The following ZNF609 variants were observed in gnomAD, a reference collection of about 807,000 sequenced individuals.
ZNF609 encodes zinc finger protein 609.
A neutral mutation model predicts 109.5 loss-of-function variants in ZNF609; 11 were observed. The ratio of observed to expected loss-of-function variants is 0.10; its 90% confidence interval spans 0.06 to 0.17. The LOEUF (loss-of-function observed/expected upper bound fraction) is 0.17, where lower values mean the gene tolerates loss of function less well. Ranked by LOEUF, ZNF609 falls within the 10% of genes least tolerant of loss-of-function variation. The pLI is 1.00. For missense variants in ZNF609, 1,559 were observed against 1,772.4 expected, an observed-to-expected ratio of 0.88 and a Z score of 2.16; for synonymous variants, 646 against 662.0, an observed-to-expected ratio of 0.98 and a Z score of 0.37.
intron 3 of ZNF609, among the ~76,000 whole-genome samples, chr15:64,633,477 A>C (rs953387986): frequency 6.6e-6 from 1 of 151,948 alleles, no homozygotes; most frequent in Non-Finnish European, 1.5e-5. Context: ...ATGAGATCTC[A>C]CTGTGTTGCT....
rs376534888 is a variant in ZNF609, at chr15:64,678,914, C to A, written c.3769+432C>A. Reference sequence around the variant, plus strand: ...ACAGCTTAATCATAGTGGAGAGACACAAAGAACAAATAAAATGCAAACCAT... The same window carrying A: ...ACAGCTTAATCATAGTGGAGAGACAAAAAGAACAAATAAAATGCAAACCAT... On this transcript the variant is annotated intron_variant, in intron 6 of 9. Coordinates refer to ENST00000326648, the MANE Select transcript of ZNF609 (RefSeq NM_015042.2). Among the ~76,000 whole-genome samples the A allele has an allele frequency of 5.4e-4, 82 of 152,260 alleles. 1 individual carries two copies. The South Asian group carries it at 0.016, about 29-fold the overall frequency.
In ZNF609 at chr15:64,489,207, A is replaced by G. The variant is rs565189652; in HGVS notation, c.-127-10086A>G. On this transcript the variant is annotated intron_variant, in intron 1 of 9. Coordinates refer to ENST00000326648, the MANE Select transcript of ZNF609 (RefSeq NM_015042.2). ...TTTGTTTTTTTGTTTTTCTTTTGAG[A>G]TGGAGTCTCACTCTCTCTCCCAGGA... Among the ~76,000 whole-genome samples the G allele has an allele frequency of 2.8e-3, 423 of 150,538 alleles. 1 individual carries two copies. Among genetic ancestry groups the G allele is most frequent in the African/African-American group, 9.9e-3 (404 of 40,920 alleles).
chr15:64,520,354 C>G (rs1163085632), intron 2 of ZNF609, among the ~76,000 whole-genome samples: 2 of 152,070 alleles, frequency 1.3e-5, no homozygotes, highest in Non-Finnish European at 2.9e-5. Flanking sequence ...CCAAATATCC[C>G]CTGGAGGGCA....
At chr15:64,585,868 CAG>C (rs1284476742) in intron 2 of ZNF609, among the ~76,000 whole-genome samples, 2 of 152,116 alleles carry the variant, frequency 1.3e-5, no homozygotes, top group Non-Finnish European at 2.9e-5. Context: ...TTTTTTGAGA[CAG>C]AGTCTTCCTC....
intron 3 of ZNF609, among the ~76,000 whole-genome samples, chr15:64,623,488 C>T (rs1895908925): frequency 6.6e-6 from 1 of 152,180 alleles, no homozygotes; most frequent in South Asian, 2.1e-4. Context: ...CAGCTCTTGC[C>T]TTTTTTAACA....
At chr15:64,671,238 T>TAAAAAAAAATAA (rs2141012146) in intron 4 of ZNF609, 1 of 147,580 alleles carries the variant, frequency 6.8e-6, no homozygotes, top group East Asian at 2.0e-4. Flanking sequence ...AAAAATTAAT[T>TAAAAAAAAATAA]AAAAAAAAAT....
chr15:64,680,590 G>A, intron 7 of ZNF609, 56 bp from the exon 8 acceptor site: 3 of 1,233,954 alleles, frequency 2.4e-6, no homozygotes, highest in South Asian at 1.4e-5. Context: ...TGTGTGTGTG[G>A]TTGTATGCAT....
Position 64,577,034 on chromosome 15 carries a change from GTA to G in ZNF609, c.748-45786_748-45785del, listed in dbSNP as rs1414484542. Among the ~76,000 whole-genome samples, 84 of 96,480 alleles carry G rather than the reference GTA, an allele frequency of 8.7e-4. 1 individual carries two copies. The highest frequency in any genetic ancestry group is 2.2e-3 in the African/African-American group (60 of 27,680). 63.3% of individuals were successfully genotyped at this position (96,480 alleles called of 152,430 possible). A position where few individuals can be genotyped will look rare whatever the true frequency, so the allele number is the denominator to read the frequency against. On this transcript the variant is annotated intron_variant, in intron 2 of 9. Transcript: ENST00000326648. ...TATGTATACACATAAATATATATAT[GTA>G]TATATACACATAAATATATACATAT...
intron 1 of ZNF609, among the ~76,000 whole-genome samples, chr15:64,482,525 G>T (rs1338476099): frequency 6.6e-6 from 1 of 152,074 alleles, no homozygotes; most frequent in Non-Finnish European, 1.5e-5. Context: ...TAAGTGGCAT[G>T]GTTACTATAC....
rs953377887 is a variant in ZNF609, at chr15:64,590,460, T to C, written c.748-32367T>C. On this transcript the variant is annotated intron_variant, in intron 2 of 9. Coordinates refer to ENST00000326648, the MANE Select transcript of ZNF609 (RefSeq NM_015042.2). Reference sequence around the variant, plus strand: ...CCTCAGCTTCCTGAGTAGCTGGGATTAAAGGTGTGTGCCACCACACCCAGC... The same window carrying C: ...CCTCAGCTTCCTGAGTAGCTGGGATCAAAGGTGTGTGCCACCACACCCAGC... Among the ~76,000 whole-genome samples, 3 of 152,042 alleles carry C rather than the reference T, an allele frequency of 2.0e-5. No individual in the cohort carries two copies. The East Asian group carries it at 5.8e-4, about 29-fold the overall frequency.
At chr15:64,624,599 C>A (rs893389109) in intron 3 of ZNF609, among the ~76,000 whole-genome samples, 7 of 152,018 alleles carry the variant, frequency 4.6e-5, no homozygotes, top group Admixed American at 6.6e-5. Flanking sequence ...TGCTTTCACT[C>A]TCCTGAGGAC....
At chr15:64,588,194 C>T (rs1396464017) in intron 2 of ZNF609, among the ~76,000 whole-genome samples, 8 of 148,558 alleles carry the variant, frequency 5.4e-5, no homozygotes, top group East Asian at 4.1e-4. Context: ...TTTGGGAGGC[C>T]GAGGCGGGCG....
At chr15:64,571,809 A>G (rs572410985) in intron 2 of ZNF609, among the ~76,000 whole-genome samples, 1 of 152,300 alleles carries the variant, frequency 6.6e-6, no homozygotes, top group South Asian at 2.1e-4. Flanking sequence ...AGGTGGGGTT[A>G]CAGGTGCCCA....
intron 1 of ZNF609, among the ~76,000 whole-genome samples, chr15:64,468,268 C>G (rs1305876451): frequency 6.9e-6 from 1 of 144,558 alleles, no homozygotes; most frequent in Non-Finnish European, 1.5e-5. Context: ...CCTTTCTTTT[C>G]TTTTCTTTTC....
At chr15:64,556,408 C>T (rs568141471) in intron 2 of ZNF609, among the ~76,000 whole-genome samples, 31 of 152,240 alleles carry the variant, frequency 2.0e-4, no homozygotes, top group Non-Finnish European at 4.1e-4. Flanking sequence ...GCTAGGATTA[C>T]AGGCATGAAC....
At chr15:64,580,224 G>A (rs1895075737) in intron 2 of ZNF609, among the ~76,000 whole-genome samples, 1 of 152,170 alleles carries the variant, frequency 6.6e-6, no homozygotes, top group Non-Finnish European at 1.5e-5. Flanking sequence ...AAGAAAAATG[G>A]ATTATCTCCT....
intron 2 of ZNF609, chr15:64,529,813 C>G (rs565770365): frequency 2.3e-6 from 1 of 443,632 alleles, no homozygotes; most frequent in South Asian, 2.0e-5. Context: ...TCACCACAAC[C>G]TCTGCCTCCT....
chr15:64,681,215 A>ATTTTTTT, intron 8 of ZNF609, 94 bp from the exon 9 acceptor site: 1 of 1,091,288 alleles, frequency 9.2e-7, no homozygotes, highest in South Asian at 1.3e-5. Context: ...TGAGTATCAG[A>ATTTTTTT]TTTTTTTTTC....
intron 2 of ZNF609, among the ~76,000 whole-genome samples, chr15:64,591,892 A>G (rs1225485574): frequency 2.0e-5 from 3 of 152,006 alleles, no homozygotes; most frequent in Non-Finnish European, 2.9e-5. Context: ...TTCTATTTTC[A>G]GTAGAGATGG....
Sources: gnomAD v4.1 joint callset for allele counts (sites outside exome capture counted in the v4.1 genomes callset) on GRCh38, gnomAD v4.1.1 for gene constraint, MANE v1.5 for transcripts, NCBI Gene and HGNC (gene_info 2026-07-23, HGNC 2026-07-21) for gene names.